The following TBL1X variants were observed in gnomAD, a reference collection of about 807,000 sequenced individuals.
TBL1X encodes the protein transducin beta like 1 X-linked, also known as F-box-like/WD repeat-containing protein TBL1X.
In TBL1X, 10 loss-of-function variants were observed where a neutral mutation model predicts 50.7. The ratio of observed to expected loss-of-function variants is 0.20; its 90% CI spans 0.12 to 0.33. The LOEUF is 0.33. Among genes scored for constraint, TBL1X ranks in the 10% least tolerant of loss-of-function variants. The probability of loss-of-function intolerance (pLI) is 1.00; values close to 1 mark genes in which losing one functional copy is unlikely to be tolerated. For missense variants in TBL1X, 340 were observed against 504.4 expected (o/e 0.67, Z 3.12); for synonymous variants, 190 against 214.7 (o/e 0.88, Z 1.01).
intron 5 of TBL1X, among the ~76,000 whole-genome samples, chrX:9,667,646 G>C (rs768002137): frequency 1.8e-5 from 2 of 111,862 alleles, no homozygotes; most frequent in African/African-American, 6.5e-5. Flanking sequence ...CAAGATTTTC[G>C]TGTAATATTA....
chrX:9,698,065 C>T (rs1045494899), intron 12 of TBL1X, among the ~76,000 whole-genome samples: 4 of 111,719 alleles, frequency 3.6e-5, no homozygotes, highest in Non-Finnish European at 5.6e-5. Context: ...GCCTAGGTGA[C>T]AGAATGAGAT....
chrX:9,681,933 C>T (rs978595823), intron 5 of TBL1X, among the ~76,000 whole-genome samples: 3 of 112,496 alleles, frequency 2.7e-5, no homozygotes, highest in African/African-American at 9.7e-5. Flanking sequence ...GTAGGAGCCA[C>T]GTGAGTGGCC....
At chrX:9,575,214 G>A (rs1171867975) in intron 2 of TBL1X, among the ~76,000 whole-genome samples, 2 of 110,764 alleles carry the variant, frequency 1.8e-5, no homozygotes, top group Non-Finnish European at 3.8e-5. Context: ...GAACTCACTC[G>A]CCATCACAAG....
At chrX:9,598,913 T>TG (rs2082539550) in intron 2 of TBL1X, among the ~76,000 whole-genome samples, 3 of 86,815 alleles carry the variant, frequency 3.5e-5, no homozygotes, top group African/African-American at 1.5e-4. Context: ...CCTACCTTTT[T>TG]TTTTTGTTTT....
intron 2 of TBL1X, among the ~76,000 whole-genome samples, chrX:9,562,942 TTGG>T (rs2082331408): frequency 8.9e-6 from 1 of 112,093 alleles, no homozygotes; most frequent in South Asian, 3.7e-4. Flanking sequence ...CTTTTGCACT[TTGG>T]TTTTATTCTA....
In TBL1X at chrX:9,596,711, T is replaced by C. The variant is rs144691825; in HGVS notation, c.-130-43562T>C. On this transcript the variant is annotated intron_variant, in intron 2 of 17. Transcript: ENST00000645353. ...AAACCACTGCCCTAAACTGAGACTCTGAAATCAACCACTTAATCTCCTTTC... is the reference window on the plus strand; with the variant it reads ...AAACCACTGCCCTAAACTGAGACTCCGAAATCAACCACTTAATCTCCTTTC... 6.3e-3 allele frequency among the ~76,000 whole-genome samples: 695 copies of C among 111,100 alleles called. 5 individuals carry two copies. Among genetic ancestry groups the C allele is most frequent in the African/African-American group, 0.02 (622 of 30,531 alleles).
intron 1 of TBL1X, among the ~76,000 whole-genome samples, chrX:9,476,695 A>G (rs903963852): frequency 8.9e-6 from 1 of 112,083 alleles, no homozygotes; most frequent in African/African-American, 3.2e-5. Flanking sequence ...GAGTACACTA[A>G]CCTTGAAAGA....
chrX:9,644,772 C>T (rs2082794713), intron 3 of TBL1X: 2 of 111,449 alleles, frequency 1.8e-5, no homozygotes, highest in Admixed American at 9.5e-5. Context: ...TCTCCTGCTT[C>T]AGCCTCCTGA....
At chrX:9,691,093 A>C (rs735165) in intron 7 of TBL1X, among the ~76,000 whole-genome samples, 49,787 of 110,543 alleles carry the variant, frequency 0.45, 8,298 homozygotes, top group South Asian at 0.52. Flanking sequence ...AAATGTAAAG[A>C]AACCTAAAAT....
chrX:9,698,747 C>G (rs2083149359), intron 12 of TBL1X, among the ~76,000 whole-genome samples: 1 of 111,958 alleles, frequency 8.9e-6, no homozygotes, highest in Non-Finnish European at 1.9e-5. Context: ...AATCTAAAAT[C>G]TCAGTCGCTA....
intron 2 of TBL1X, among the ~76,000 whole-genome samples, chrX:9,547,853 C>T (rs773191332): frequency 9.8e-6 from 1 of 101,679 alleles, no homozygotes; most frequent in Admixed American, 1.1e-4. Flanking sequence ...TATGCTTTCA[C>T]ACTGTCCCTC....
intron 2 of TBL1X, among the ~76,000 whole-genome samples, chrX:9,547,567 G>A (rs372957719): frequency 1.8e-5 from 2 of 110,655 alleles, no homozygotes; most frequent in East Asian, 2.9e-4. Context: ...TTCTCCACCC[G>A]CCTTGGCCTC....
At chrX:9,600,214 G>C (rs1158154522) in intron 2 of TBL1X, among the ~76,000 whole-genome samples, 1 of 110,792 alleles carries the variant, frequency 9.0e-6, no homozygotes, top group Non-Finnish European at 1.9e-5. Flanking sequence ...ATTGCTCATA[G>C]CTCTGGAGAC....
At chrX:9,537,536 AT>A (rs1196842794) in intron 2 of TBL1X, among the ~76,000 whole-genome samples, 1 of 111,385 alleles carries the variant, frequency 9.0e-6, no homozygotes, top group Non-Finnish European at 1.9e-5. Flanking sequence ...TCTCTCTATG[AT>A]TTTGACACTC....
At chrX:9,704,636 A>G (rs2083195857) in intron 12 of TBL1X, among the ~76,000 whole-genome samples, 2 of 111,643 alleles carry the variant, frequency 1.8e-5, no homozygotes, top group Admixed American at 1.9e-4. Flanking sequence ...TATAACCCTA[A>G]CACTTTGGGA....
intron 2 of TBL1X, among the ~76,000 whole-genome samples, chrX:9,622,604 C>T (rs1012925888): frequency 9.9e-5 from 11 of 111,440 alleles, no homozygotes; most frequent in African/African-American, 2.6e-4. Context: ...TACAGGTGCG[C>T]GCCACCACAC....
intron 5 of TBL1X, among the ~76,000 whole-genome samples, chrX:9,665,188 GTATTTTTTC>G (rs2082920049): frequency 1.8e-5 from 2 of 108,256 alleles, no homozygotes; most frequent in Non-Finnish European, 3.8e-5. Flanking sequence ...AATTTTGCAG[GTATTTTTTC>G]CCTTGAGGAA....
chrX:9,526,098 CATGTGTGT>C (rs1041236496), intron 2 of TBL1X, among the ~76,000 whole-genome samples: 22 of 93,463 alleles, frequency 2.4e-4, no homozygotes, highest in African/African-American at 6.7e-4. Context: ...AACGTCTGTG[CATGTGTGT>C]ATGTGTGTGA....
At chrX:9,673,427 C>CCTACCAAT (rs1192111116) in intron 5 of TBL1X, among the ~76,000 whole-genome samples, 2 of 111,178 alleles carry the variant, frequency 1.8e-5, no homozygotes, top group African/African-American at 6.6e-5. Flanking sequence ...ACTGTTTATT[C>CCTACCAAT]CTACCAATCC....
Sources: allele counts gnomAD v4.1 joint callset (sites outside exome capture counted in the v4.1 genomes callset), GRCh38; gene constraint gnomAD v4.1.1; transcripts MANE v1.5; gene names NCBI Gene and HGNC (gene_info 2026-07-23, HGNC 2026-07-21).